The following CCHCR1 variants were observed in gnomAD, a reference collection of about 807,000 sequenced individuals.
CCHCR1 encodes the protein HCR (a-helix coiled-coil rod homologue).
In CCHCR1, 91 loss-of-function variants were observed where a neutral mutation model predicts 114.6. The observed-to-expected ratio is 0.79, with a 90% CI of 0.67 to 0.94. CCHCR1 has a LOEUF of 0.94. Among genes scored for constraint, CCHCR1 ranks in the 40% least tolerant of loss-of-function variants. The pLI is 0.00. For synonymous variants in CCHCR1, 379 were observed against 428.5 expected, an observed-to-expected ratio of 0.88 and a Z score of 1.43; for missense variants, 899 against 1,079.9, an observed-to-expected ratio of 0.83 and a Z score of 2.35.
Position 31,145,090 on chromosome 6 carries a change from C to T in CCHCR1, c.1877-17G>A. On this transcript the variant is annotated splice_polypyrimidine_tract_variant and intron_variant, in intron 13 of 17. Coordinates refer to ENST00000396268, the MANE Select transcript of CCHCR1 (RefSeq NM_001105564.2). ...CTGCCTCCCCTAAAAGGAGGGGGTGCTGGGTCAGGCCTCTCCCAGCACCCT... is the reference window on the plus strand; with the variant it reads ...CTGCCTCCCCTAAAAGGAGGGGGTGTTGGGTCAGGCCTCTCCCAGCACCCT... The T allele has an allele frequency of 4.4e-6, 7 of 1,599,236 alleles. No homozygotes were observed. The highest frequency in any genetic ancestry group is 6.0e-6 in the Non-Finnish European group (7 of 1,175,832).
chr6:31,147,643 T>C (rs1774546553), intron 10 of CCHCR1, among the ~76,000 whole-genome samples: 1 of 152,194 alleles, frequency 6.6e-6, no homozygotes, highest in African/African-American at 2.4e-5. Context: ...AAGTTAAGTA[T>C]ATAATAAGCA....
At position 31,156,799 on chromosome 6, in the gene CCHCR1, C is replaced by G; in HGVS notation, c.429G>C (p.Gln143His). Residue 143 changes from glutamine (Q) to histidine (H), a missense_variant, in exon 3 of 18, where the codon CAG (glutamine) becomes CAC (histidine). Gln to His is a conservative substitution (Grantham distance 24). Coordinates refer to ENST00000396268, the MANE Select transcript of CCHCR1 (RefSeq NM_001105564.2). ...QDVSERRLDT[Q>H]RPQVTMWERD... is the part of the protein sequence containing the mutation. ...GTTCCCACATGGTCACTTGAGGTCT[C>G]TGGGTGTCTAGCCGCCTCTCTGAGA... The G allele has an allele frequency of 6.2e-7, 1 of 1,612,920 alleles. No individual in the cohort carries two copies.
At position 31,156,921 on chromosome 6, in the gene CCHCR1, A is replaced by AG. The variant is rs1776100408; in HGVS notation, c.306dup (p.Ser103LeufsTer55). ...GAAAGGGGCCGAGCTTGAAAGTGGGAGGGGGGAATCAGCCCAGTGGAACCT... is the reference window on the plus strand; with the variant it reads ...GAAAGGGGCCGAGCTTGAAAGTGGGAGGGGGGGAATCAGCCCAGTGGAACCT... On this transcript the variant is annotated frameshift_variant, in exon 3 of 18. Coordinates refer to ENST00000396268, the MANE Select transcript of CCHCR1 (RefSeq NM_001105564.2). LOFTEE classifies it high-confidence loss of function. The AG allele has an allele frequency of 2.5e-6, 4 of 1,612,684 alleles. No individual in the cohort carries two copies. The highest frequency in any genetic ancestry group is 3.4e-6 in the Non-Finnish European group (4 of 1,179,888).
rs539152234 is a variant in CCHCR1 at position 31,145,697 on chromosome 6, C to A, written c.1692G>T (p.Arg564=). ...SYAVRKVHTI[R]GLIARKLALA... Reference sequence around the variant, plus strand: ...GTGGCTCGCAGTTGTCCTACGCACCCCGAATGGTGTGGACCTTGCGGACAG... The same window carrying A: ...GTGGCTCGCAGTTGTCCTACGCACCACGAATGGTGTGGACCTTGCGGACAG... The change falls in exon 11 of 18, where the codon CGG becomes CGT. Residue 564 remains arginine, a splice_region_variant and synonymous_variant. Transcript: ENST00000396268. 2 of 1,611,908 alleles carry A rather than the reference C, an allele frequency of 1.2e-6. No individual in the cohort carries two copies. The highest frequency in any genetic ancestry group is 1.7e-6 in the Non-Finnish European group (2 of 1,178,096).
intron 8 of CCHCR1, chr6:31,149,755 C>T: frequency 3.2e-6 from 1 of 310,532 alleles, no homozygotes; most frequent in Non-Finnish European, 6.0e-6. Flanking sequence ...GTAATCCCAT[C>T]ACTTTGGGAG....
chr6:31,142,711 G>C lies in CCHCR1; in HGVS notation c.2497C>G (p.Leu833Val). 1.2e-6 allele frequency: 2 copies of C among 1,608,012 alleles called. No individual in the cohort carries two copies. The highest frequency in any genetic ancestry group is 1.7e-6 in the Non-Finnish European group (2 of 1,177,468). Residue 833 changes from leucine (L) to valine (V), a missense_variant, in exon 18 of 18, where the codon CTC becomes GTC. Coordinates refer to ENST00000396268, the MANE Select transcript of CCHCR1 (RefSeq NM_001105564.2). ...VPTRESIKGS[L>V]SVLLDDLQDL... ...TGCAGGTCATCGAGCAGGACAGAGA[G>C]GGACCCTGGGAAGGAAGACAGCAGA...
chr6:31,144,859 G>A lies in CCHCR1; in HGVS notation c.2065+26C>T, dbSNP rs1434922767. 3 of 1,611,786 alleles carry A rather than the reference G, an allele frequency of 1.9e-6. No individual in the cohort carries two copies. The highest frequency in any genetic ancestry group is 4.5e-5 in the East Asian group (2 of 44,842). The stretch of plus-strand genomic sequence containing the variant: ...CGCAGTTCCCACCCCACCCTCCAAG[G>A]GAAGCACCCATTTCCCTCTCGACAC... On this transcript the variant is annotated intron_variant, in intron 14 of 17. Coordinates refer to ENST00000396268, the MANE Select transcript of CCHCR1 (RefSeq NM_001105564.2). This position sits in a 1 kb window ranked among gnomAD's most constrained non-coding sequence, Gnocchi z 4.6.
In CCHCR1 at chr6:31,150,149, G is replaced by T. The variant is rs552884834; in HGVS notation, c.1279C>A (p.Arg427=). The T allele has an allele frequency of 8.1e-6, 13 of 1,614,138 alleles. No individual in the cohort carries two copies. The East Asian group carries it at 2.9e-4, about 36-fold the overall frequency. The change falls in exon 8 of 18, where the codon CGG becomes AGG. Residue 427 remains arginine, a synonymous_variant. Coordinates refer to ENST00000396268, the MANE Select transcript of CCHCR1 (RefSeq NM_001105564.2). This position sits in a 1 kb window ranked among gnomAD's most constrained non-coding sequence, Gnocchi z 5.3. ...ACCATGAGGGCAAACACCTTCTCCC[G>T]CCAGCGGTTCAGCAGGGACTGGCAC... The part of the protein sequence containing the change: ...RKCQSLLNRW[R]EKVFALMVQL...
At chr6:31,142,899 T>A in intron 17 of CCHCR1, 64 bp downstream of exon 17, 1 of 1,549,670 alleles carries the variant, frequency 6.5e-7, no homozygotes, top group Non-Finnish European at 8.8e-7. Context: ...CATGCGAGAG[T>A]CTGAAGAGGA....
rs763072097 is a variant in CCHCR1, at chr6:31,143,054, C to T, written c.2400G>A (p.Lys800=). ...TGGGGCTGGACACCACAGATTTCTT[C>T]TTATCCAGTAGGGAAGGAAGAACTG... The part of the protein sequence containing the change: ...LLTVLPSLLD[K]KKSVVSSPRP... The change falls in exon 17 of 18, where the codon AAG becomes AAA. Residue 800 remains lysine, a synonymous_variant. Coordinates refer to ENST00000396268, the MANE Select transcript of CCHCR1 (RefSeq NM_001105564.2). The surrounding 1 kb of genome is among the most constrained non-coding windows in gnomAD (Gnocchi z 5.3). 6 of 1,612,946 alleles carry T rather than the reference C, an allele frequency of 3.7e-6. No individual in the cohort carries two copies. The highest frequency in any genetic ancestry group is 5.1e-6 in the Non-Finnish European group (6 of 1,180,036).
At position 31,145,790 on chromosome 6, in the gene CCHCR1, C is replaced by G; in HGVS notation, c.1599G>C (p.Glu533Asp). 1 of 1,612,252 alleles carries G rather than the reference C, an allele frequency of 6.2e-7. No individual in the cohort carries two copies. The highest frequency in any genetic ancestry group is 8.5e-7 in the Non-Finnish European group (1 of 1,179,270). ...NAVSSSQIWL[E>D]TTMAKVEGAA... ...CCCCTTCCACCTTAGCCATGGTGGTCTCGAGCCAGATCTGAGAGCTGGAGA... is the reference window on the plus strand; with the variant it reads ...CCCCTTCCACCTTAGCCATGGTGGTGTCGAGCCAGATCTGAGAGCTGGAGA... The change falls in exon 11 of 18, where the codon GAG becomes GAC. Residue 533 changes from glutamate to aspartate, a missense_variant. Coordinates refer to ENST00000396268, the MANE Select transcript of CCHCR1 (RefSeq NM_001105564.2).
chr6:31,148,189 G>A (rs1015851220), intron 10 of CCHCR1, among the ~76,000 whole-genome samples: 2 of 152,162 alleles, frequency 1.3e-5, no homozygotes, highest in Non-Finnish European at 2.9e-5. Context: ...AACATGCAAC[G>A]GGAAATTCAT....
chr6:31,146,333 A>G (rs1774329990), intron 10 of CCHCR1, among the ~76,000 whole-genome samples: 1 of 152,306 alleles, frequency 6.6e-6, no homozygotes, highest in East Asian at 1.9e-4. Context: ...TGACAGAGCG[A>G]GACTCCATCT....
At chr6:31,148,320 C>G (rs1774640817) in intron 10 of CCHCR1, 85 bp downstream of exon 10, 3 of 837,598 alleles carry the variant, frequency 3.6e-6, no homozygotes, top group Middle Eastern at 3.4e-4. Context: ...TCCAGCCCCT[C>G]TTGCCTGAGG....
intron 4 of CCHCR1, among the ~76,000 whole-genome samples, chr6:31,153,140 C>T (rs1775491390): frequency 6.6e-6 from 1 of 152,038 alleles, no homozygotes; most frequent in African/African-American, 2.4e-5. Context: ...CGACTATACC[C>T]GGCTAATTTT....
rs1407044648 is a variant in CCHCR1 at position 31,143,157 on chromosome 6, T to C, written c.2320-23A>G. ...GGCCTGGGAAGGAGAGGGTTAAACC[T>C]AGCCCGGATAGAGCCTCCCTCACCA... On this transcript the variant is annotated intron_variant, in intron 16 of 17. Transcript: ENST00000396268. This position sits in a 1 kb window ranked among gnomAD's most constrained non-coding sequence, Gnocchi z 5.3. 11 of 1,611,880 alleles carry C rather than the reference T, an allele frequency of 6.8e-6. No homozygotes were observed. Among genetic ancestry groups the C allele is most frequent in the Non-Finnish European group, 9.3e-6 (11 of 1,179,360 alleles).
At chr6:31,146,859 AC>A (rs1175711103) in intron 10 of CCHCR1, among the ~76,000 whole-genome samples, 1 of 152,148 alleles carries the variant, frequency 6.6e-6, no homozygotes, top group Non-Finnish European at 1.5e-5. Context: ...GGTAGGGGGC[AC>A]CCGCGATGGA....
intron 10 of CCHCR1, 24 bp from the exon 11 acceptor site, chr6:31,145,832 T>TCCTC (rs745579777): frequency 7.1e-7 from 1 of 1,415,424 alleles, no homozygotes; most frequent in Non-Finnish European, 1.0e-6. Flanking sequence ...AAGTCACTGA[T>TCCTC]CCTCCATGCC....
At position 31,144,568 on chromosome 6, in the gene CCHCR1, G is replaced by T; in HGVS notation, c.2167+119C>A. ...GTGATAATTCATCTGTGCTACTCCTGGATACCTTCATTACTTCCTGTAATG... is the reference window on the plus strand; with the variant it reads ...GTGATAATTCATCTGTGCTACTCCTTGATACCTTCATTACTTCCTGTAATG... On this transcript the variant is annotated intron_variant, in intron 15 of 17. Coordinates refer to ENST00000396268, the MANE Select transcript of CCHCR1 (RefSeq NM_001105564.2). This position sits in a 1 kb window ranked among gnomAD's most constrained non-coding sequence, Gnocchi z 4.6. The T allele has an allele frequency of 2.9e-6, 2 of 691,346 alleles. No individual in the cohort carries two copies. The highest frequency in any genetic ancestry group is 5.1e-6 in the Non-Finnish European group (2 of 393,728). 42.8% of individuals were successfully genotyped at this position (691,346 alleles called of 1,614,324 possible). A position where few individuals can be genotyped will look rare whatever the true frequency, so the allele number is the denominator to read the frequency against.
Sources: allele counts gnomAD v4.1 joint callset (sites outside exome capture counted in the v4.1 genomes callset), GRCh38; gene constraint gnomAD v4.1.1; non-coding constraint Gnocchi (gnomAD v3.1); transcripts MANE v1.5; gene names NCBI Gene and HGNC (gene_info 2026-07-23, HGNC 2026-07-21).